The following TAFA1 variants were observed in gnomAD, a reference collection of about 807,000 sequenced individuals.
TAFA1 encodes chemokine-like protein TAFA-1.
TAFA1 carries 4 observed loss-of-function variants against 18.5 expected under a neutral mutation model. That is an observed-to-expected ratio of 0.22 (90% CI 0.11 to 0.49). The LOEUF (loss-of-function observed/expected upper bound fraction) is 0.49, where lower values mean the gene tolerates loss of function less well. Ranked by LOEUF, TAFA1 falls within the 20% of genes least tolerant of loss-of-function variation. The pLI is 0.98. For synonymous variants in TAFA1, 56 were observed against 55.2 expected (o/e 1.01, Z -0.06); for missense variants, 147 against 169.0 (o/e 0.87, Z 0.72).
intron 2 of TAFA1, among the ~76,000 whole-genome samples, chr3:68,345,114 A>C (rs2069144605): frequency 6.6e-6 from 1 of 152,102 alleles, no homozygotes; most frequent in Admixed American, 6.5e-5. Flanking sequence ...GGAGTGTAAC[A>C]AAATGTCCAC....
chr3:68,120,616 T>G (rs993923864), intron 2 of TAFA1, among the ~76,000 whole-genome samples: 3 of 152,206 alleles, frequency 2.0e-5, no homozygotes, highest in African/African-American at 7.2e-5. Flanking sequence ...CAGCCTCATC[T>G]TACCTGTGGT....
chr3:68,038,620 G>T (rs1015032294), intron 2 of TAFA1, among the ~76,000 whole-genome samples: 1 of 151,992 alleles, frequency 6.6e-6, no homozygotes, highest in African/African-American at 2.4e-5. Flanking sequence ...AGGGTTCAGG[G>T]TAGTCACATT....
intron 2 of TAFA1, among the ~76,000 whole-genome samples, chr3:68,295,073 G>A (rs2068183975): frequency 6.6e-6 from 1 of 151,824 alleles, no homozygotes; most frequent in African/African-American, 2.4e-5. Flanking sequence ...TGTTCTCTAA[G>A]CCTCAGTTTT....
intron 2 of TAFA1, among the ~76,000 whole-genome samples, chr3:68,342,144 C>T (rs1013648033): frequency 2.0e-5 from 3 of 152,052 alleles, no homozygotes; most frequent in African/African-American, 7.2e-5. Context: ...CTGACTCTGG[C>T]AAAAATAAGA....
intron 2 of TAFA1, among the ~76,000 whole-genome samples, chr3:68,260,516 A>C (rs907443646): frequency 4.6e-5 from 7 of 152,116 alleles, no homozygotes; most frequent in Non-Finnish European, 1.0e-4. Context: ...AGGAAATCAA[A>C]CTATACTACA....
intron 2 of TAFA1, among the ~76,000 whole-genome samples, chr3:68,358,833 CCATTTTTGT>C (rs2069416136): frequency 6.6e-6 from 1 of 151,898 alleles, no homozygotes; most frequent in Non-Finnish European, 1.5e-5. Flanking sequence ...CCTTCTATGA[CCATTTTTGT>C]AAACTGTTGT....
At chr3:68,539,819 G>T (rs913897749) in intron 4 of TAFA1, among the ~76,000 whole-genome samples, 1 of 151,954 alleles carries the variant, frequency 6.6e-6, no homozygotes, top group African/African-American at 2.4e-5. Context: ...GAGTGAAGTG[G>T]TGTGATTATA....
chr3:68,030,362 C>G (rs1000322089), intron 2 of TAFA1, among the ~76,000 whole-genome samples: 2 of 151,800 alleles, frequency 1.3e-5, no homozygotes, highest in African/African-American at 2.4e-5. Flanking sequence ...TTTCCTGCAC[C>G]CATCAACCCG....
chr3:68,179,362 G>A (rs2106980035), intron 2 of TAFA1, among the ~76,000 whole-genome samples: 1 of 152,264 alleles, frequency 6.6e-6, no homozygotes, highest in Non-Finnish European at 1.5e-5. Flanking sequence ...TAATTTAAGT[G>A]CACAAGTATT....
chr3:68,248,900 A>T (rs2067138027), intron 2 of TAFA1, among the ~76,000 whole-genome samples: 1 of 152,050 alleles, frequency 6.6e-6, no homozygotes, highest in African/African-American at 2.4e-5. Flanking sequence ...TAGGAAGGCG[A>T]ATATGTTGTC....
intron 2 of TAFA1, among the ~76,000 whole-genome samples, chr3:68,196,925 T>C (rs2066417551): frequency 6.6e-6 from 1 of 151,762 alleles, no homozygotes; most frequent in Non-Finnish European, 1.5e-5. Flanking sequence ...AAAGTGGAGA[T>C]AGTCTCTGCC....
chr3:68,484,692 A>G (rs2072305220), intron 3 of TAFA1, among the ~76,000 whole-genome samples: 1 of 152,198 alleles, frequency 6.6e-6, no homozygotes, highest in African/African-American at 2.4e-5. Flanking sequence ...TTCTGTCCCA[A>G]GGATCCATCA....
intron 2 of TAFA1, among the ~76,000 whole-genome samples, chr3:68,106,383 A>T (rs2065204758): frequency 6.6e-6 from 1 of 152,170 alleles, no homozygotes; most frequent in Non-Finnish European, 1.5e-5. Context: ...TGAGCCCTTG[A>T]AACGTGGTTA....
chr3:68,419,217 C>A (rs1479561097), intron 3 of TAFA1, among the ~76,000 whole-genome samples: 1 of 152,116 alleles, frequency 6.6e-6, no homozygotes, highest in African/African-American at 2.4e-5. Flanking sequence ...CAGGTTATAC[C>A]CACTAGCCCC....
At chr3:68,512,167 C>T (rs1301084546) in intron 3 of TAFA1, among the ~76,000 whole-genome samples, 5 of 152,060 alleles carry the variant, frequency 3.3e-5, no homozygotes, top group South Asian at 2.1e-4. Context: ...ACGTGATGCA[C>T]AGAGGAGTGT....
intron 2 of TAFA1, among the ~76,000 whole-genome samples, chr3:68,176,692 A>C (rs1033098104): frequency 6.6e-6 from 1 of 152,182 alleles, no homozygotes; most frequent in Non-Finnish European, 1.5e-5. Context: ...AACCCTGACC[A>C]ATGTGTTTGT....
chr3:68,325,404 A>C (rs2068760302), intron 2 of TAFA1, among the ~76,000 whole-genome samples: 1 of 152,230 alleles, frequency 6.6e-6, no homozygotes, highest in Admixed American at 6.5e-5. Context: ...ACTAAGGGTG[A>C]ATAGTATCTA....
At chr3:68,543,673 G>A in intron 4 of TAFA1, among the ~76,000 whole-genome samples, 1 of 152,006 alleles carries the variant, frequency 6.6e-6, no homozygotes, top group South Asian at 2.1e-4. Context: ...AGATAATAAA[G>A]AAAAATGCCA....
intron 2 of TAFA1, among the ~76,000 whole-genome samples, chr3:68,113,386 T>G (rs2065283217): frequency 6.6e-6 from 1 of 152,182 alleles, no homozygotes; most frequent in African/African-American, 2.4e-5. Context: ...ACTGCACACC[T>G]GACTCACACC....
Sources: allele counts gnomAD v4.1 joint callset (sites outside exome capture counted in the v4.1 genomes callset), GRCh38; gene constraint gnomAD v4.1.1; transcripts MANE v1.5; gene names NCBI Gene and HGNC (gene_info 2026-07-23, HGNC 2026-07-21).